PNPLA1: variants seen among roughly 807,000 people sequenced by gnomAD.
PNPLA1 encodes patatin like domain 1, omega-hydroxyceramide transacylase, also known as omega-hydroxyceramide transacylase.
In PNPLA1, 36 loss-of-function variants were observed where a neutral mutation model predicts 51.7. That is an observed-to-expected ratio of 0.70 (90% confidence interval 0.53 to 0.92). The LOEUF is 0.92. Ranked by LOEUF, PNPLA1 falls within the 40% of genes least tolerant of loss-of-function variation. The pLI is 0.00. For synonymous variants in PNPLA1, 293 were observed against 280.1 expected, an observed-to-expected ratio of 1.05 and a Z score of -0.46; for missense variants, 658 against 682.5, an observed-to-expected ratio of 0.96 and a Z score of 0.40.
At chr6:36,248,734 G>GTCTTGAAC (rs988142482) in intron 1 of PNPLA1, among the ~76,000 whole-genome samples, 2 of 152,146 alleles carry the variant, frequency 1.3e-5, no homozygotes, top group African/African-American at 4.8e-5. Context: ...GGCCAGGCTG[G>GTCTTGAAC]TCTTGAACTC....
chr6:36,270,416 T>G lies in PNPLA1; in HGVS notation c.-44T>G. ...AGCCCAGGCTCGGGCAGGCAAGTGC[T>G]GAAGGGTGGCTCCGCCTTCCGCAGA... is the stretch of plus-strand genomic sequence containing the variant. On this transcript the variant is annotated 5_prime_UTR_variant, in exon 1 of 9. Transcript: ENST00000636260. 6.5e-7 allele frequency: 1 copy of G among 1,545,654 alleles called. No homozygotes were observed. Among genetic ancestry groups the G allele is most frequent in the Non-Finnish European group, 8.7e-7 (1 of 1,143,000 alleles).
chr6:36,300,178 T>TGTGTGTGTGTGTGTGTGTGTGTGAGAGA, intron 5 of PNPLA1, among the ~76,000 whole-genome samples: 4 of 98,138 alleles, frequency 4.1e-5, no homozygotes, highest in African/African-American at 1.3e-4. Context: ...TGTGTGTGTG[T>TGTGTGTGTGTGTGTGTGTGTGTGAGAGA]GAGAGAGAGA....
chr6:36,267,792 C>G (rs1769797484), upstream of PNPLA1, among the ~76,000 whole-genome samples: 1 of 152,136 alleles, frequency 6.6e-6, no homozygotes, highest in Non-Finnish European at 1.5e-5. Context: ...CCTGCCCCCC[C>G]CATGGATAGT....
intron 8 of PNPLA1, among the ~76,000 whole-genome samples, 177 bp from the exon 9 acceptor site, chr6:36,311,586 C>T (rs1166667214): frequency 6.6e-6 from 1 of 152,176 alleles, no homozygotes; most frequent in Non-Finnish European, 1.5e-5. Context: ...ATGTACAAGT[C>T]CACATCCCAG....
intron 5 of PNPLA1, among the ~76,000 whole-genome samples, chr6:36,298,072 T>A (rs989324076): frequency 3.9e-5 from 6 of 152,234 alleles, no homozygotes; most frequent in Admixed American, 3.9e-4. Context: ...AAAATCTGAA[T>A]TCTTTCACTC....
chr6:36,268,906 C>T (rs1177142925), upstream of PNPLA1, among the ~76,000 whole-genome samples: 1 of 152,196 alleles, frequency 6.6e-6, no homozygotes, highest in Non-Finnish European at 1.5e-5. Flanking sequence ...GGACTCCACC[C>T]TGACACACCC....
chr6:36,277,296 A>G (rs1421332961), intron 1 of PNPLA1, among the ~76,000 whole-genome samples: 2 of 152,218 alleles, frequency 1.3e-5, no homozygotes, highest in Non-Finnish European at 2.9e-5. Flanking sequence ...CCTTTAGAGC[A>G]GGACTTGGAG....
chr6:36,292,355 C>G (rs1211484528), intron 2 of PNPLA1, among the ~76,000 whole-genome samples: 1 of 152,098 alleles, frequency 6.6e-6, no homozygotes, highest in Non-Finnish European at 1.5e-5. Context: ...TCACGCCCAC[C>G]CCCGTTCTGA....
chr6:36,295,306 A>G, intron 4 of PNPLA1, 58 bp from the exon 5 acceptor site: 1 of 1,575,686 alleles, frequency 6.3e-7, no homozygotes, highest in East Asian at 2.2e-5. Context: ...GGTCGGGGGA[A>G]CTGTGGCTCC....
At chr6:36,292,441 C>T (rs1314001021) in intron 2 of PNPLA1, among the ~76,000 whole-genome samples, 4 of 152,114 alleles carry the variant, frequency 2.6e-5, no homozygotes, top group Non-Finnish European at 5.9e-5. Flanking sequence ...CCAACCCTAG[C>T]AAACCACACA....
At chr6:36,246,549 A>G (rs1334821110) in intron 1 of PNPLA1, among the ~76,000 whole-genome samples, 1 of 152,206 alleles carries the variant, frequency 6.6e-6, no homozygotes, top group Non-Finnish European at 1.5e-5. Flanking sequence ...CATTAGTTAT[A>G]TGATACTGAT....
At chr6:36,260,928 A>G (rs1194028133) in intron 1 of PNPLA1, among the ~76,000 whole-genome samples, 1 of 152,074 alleles carries the variant, frequency 6.6e-6, no homozygotes, top group East Asian at 1.9e-4. Context: ...GGCTCAAGCA[A>G]TCCTCCTGCC....
rs185339703 is a variant in PNPLA1, at chr6:36,244,537, G to A, written c.-81+1276G>A. Among the ~76,000 whole-genome samples the A allele has an allele frequency of 6.2e-4, 95 of 152,142 alleles. 1 individual carries two copies. Among genetic ancestry groups the A allele is most frequent in the South Asian group, 6.2e-3 (30 of 4,826 alleles). On this transcript the variant is annotated intron_variant, in intron 1 of 7. Transcript: ENST00000312917. ...TTTGGTGGATGTAGAGGGGGCTCCC[G>A]ACCTTATGCAGTTACAACCCATTCT...
chr6:36,306,439 C>T (rs946046733), intron 7 of PNPLA1, 63 bp downstream of exon 7: 24 of 1,423,800 alleles, frequency 1.7e-5, no homozygotes, highest in Middle Eastern at 1.8e-4. Flanking sequence ...CCCGGCTAAG[C>T]GATATCTTCC....
chr6:36,302,333 C>T lies in PNPLA1; in HGVS notation c.1248C>T (p.His416=), dbSNP rs747491138. 21 of 1,613,660 alleles carry T rather than the reference C, an allele frequency of 1.3e-5. 2 individuals carry two copies. The South Asian group carries it at 2.3e-4, about 18-fold the overall frequency. The change falls in exon 6 of 9, where the codon CAC becomes CAT. Residue 416 remains histidine (H), a synonymous_variant. Transcript: ENST00000636260. ...CTGGATCACCAGCCAGATCCCTACA[C>T]TCTCAGGCACCCACTTCACCCAGGC... ...QPSGSPARSL[H]SQAPTSPRPS...
chr6:36,312,059 C>T lies in PNPLA1; in HGVS notation c.*173C>T, dbSNP rs1165346623. On this transcript the variant is annotated 3_prime_UTR_variant, in exon 9 of 9. Coordinates refer to ENST00000636260, the MANE Select transcript of PNPLA1 (RefSeq NM_001374623.1). The stretch of plus-strand genomic sequence containing the variant: ...AAAATAGCACCTCTTCCTGGAGAAC[C>T]TGACTACCAGCCGCTGGAAAATTGT... 1 of 152,464 alleles carries T rather than the reference C, an allele frequency of 6.6e-6. No homozygotes were observed. Among genetic ancestry groups the T allele is most frequent in the Admixed American group, 6.5e-5 (1 of 15,276 alleles). The allele number at this position is 152,464 out of a possible 1,614,324, so 9.4% of individuals were successfully genotyped here. A position where few individuals can be genotyped will look rare whatever the true frequency, so the allele number is the denominator to read the frequency against.
intron 8 of PNPLA1, among the ~76,000 whole-genome samples, chr6:36,310,293 T>TA (rs1187233813): frequency 6.6e-6 from 1 of 152,192 alleles, no homozygotes; most frequent in Non-Finnish European, 1.5e-5. Context: ...TGGGTGGGTG[T>TA]ACGCATCAGC....
chr6:36,298,838 A>C (rs1770936639), intron 5 of PNPLA1, among the ~76,000 whole-genome samples: 2 of 152,186 alleles, frequency 1.3e-5, no homozygotes, highest in Admixed American at 1.3e-4. Context: ...ACCTGGGTTC[A>C]AGCGATTCTC....
At chr6:36,274,904 G>A (rs1221654164) in intron 1 of PNPLA1, among the ~76,000 whole-genome samples, 5 of 152,086 alleles carry the variant, frequency 3.3e-5, no homozygotes, top group African/African-American at 9.7e-5. Context: ...TTCCTTTAAT[G>A]TGTAGGTGTT....
Sources: allele counts gnomAD v4.1 joint callset (sites outside exome capture counted in the v4.1 genomes callset), GRCh38; gene constraint gnomAD v4.1.1; transcripts MANE v1.5; gene names NCBI Gene and HGNC (gene_info 2026-07-23, HGNC 2026-07-21).